The following EYS variants were observed in gnomAD, a reference collection of about 807,000 sequenced individuals.
EYS encodes EGF-like photoreceptor maintenance factor, also known as protein eyes shut homolog.
A neutral mutation model predicts 282.1 loss-of-function variants in EYS; 250 were observed. The observed-to-expected ratio is 0.89, with a 90% CI of 0.80 to 0.98. EYS has a LOEUF of 0.98. EYS is among the 50% of genes least tolerant of loss of function. The pLI, the probability that EYS is intolerant of heterozygous loss-of-function variation, is 0.00. For synonymous variants in EYS, 1,355 were observed against 1,282.9 expected (o/e 1.06, Z -1.20); for missense variants, 4,016 against 3,709.0 (o/e 1.08, Z -2.15).
intron 34 of EYS, among the ~76,000 whole-genome samples, chr6:63,985,339 T>C (rs1767306099): frequency 6.6e-6 from 1 of 151,624 alleles, no homozygotes; most frequent in African/African-American, 2.4e-5. Context: ...CTTTCTCAAG[T>C]CATCATATGG....
At chr6:65,283,887 G>T (rs983112792) in intron 12 of EYS, among the ~76,000 whole-genome samples, 1 of 152,074 alleles carries the variant, frequency 6.6e-6, no homozygotes, top group African/African-American at 2.4e-5. Context: ...TGTATGAGCA[G>T]AAATCTGAAC....
At chr6:65,512,627 T>G (rs1478059241) in intron 2 of EYS, among the ~76,000 whole-genome samples, 1 of 151,844 alleles carries the variant, frequency 6.6e-6, no homozygotes, top group East Asian at 1.9e-4. Context: ...AACTCAGGAT[T>G]AAGAAACTCA....
At chr6:64,863,536 T>C (rs71570698) in intron 19 of EYS, among the ~76,000 whole-genome samples, 4,069 of 152,298 alleles carry the variant, frequency 0.027, 75 homozygotes, top group Middle Eastern at 0.048. Context: ...CATATTTTAT[T>C]CCTTTAAAAA....
chr6:64,732,951 C>T (rs1452149733), intron 22 of EYS, among the ~76,000 whole-genome samples: 4 of 152,120 alleles, frequency 2.6e-5, no homozygotes, highest in Non-Finnish European at 2.9e-5. Context: ...TAAAGCTGAC[C>T]ATCTATCAGT....
Position 64,307,042 on chromosome 6 carries a change from A to C in EYS, c.6119T>G (p.Val2040Gly). Residue 2040 changes from valine to glycine, a missense_variant, in exon 30 of 43, where the codon GTT (valine) becomes GGT (glycine). Physicochemically the swap from Val to Gly is moderately radical, Grantham distance 109. Coordinates refer to ENST00000503581, the MANE Select transcript of EYS (RefSeq NM_001142800.2). Reference protein sequence around the residue: ...PVKNFTGCIEVIEINNWRSFI... With the variant: ...PVKNFTGCIEGIEINNWRSFI... The stretch of plus-strand genomic sequence containing the variant: ...AGATCTCCAGTTATTTATTTCTATA[A>C]CTTCTATGCAGCCAGTAAAATTCTT... 1 of 1,542,314 alleles carries C rather than the reference A, an allele frequency of 6.5e-7. No homozygotes were observed. Among genetic ancestry groups the C allele is most frequent in the Non-Finnish European group, 8.8e-7 (1 of 1,139,476 alleles).
At chr6:65,319,222 A>AAAAAAAAAAT (rs1562094128) in intron 11 of EYS, among the ~76,000 whole-genome samples, 1 of 147,574 alleles carries the variant, frequency 6.8e-6, no homozygotes, top group Non-Finnish European at 1.5e-5. Context: ...AAAAAAAAAA[A>AAAAAAAAAAT]AAAAACAATT....
chr6:64,654,584 T>C (rs1014796617), intron 22 of EYS, among the ~76,000 whole-genome samples: 5 of 152,176 alleles, frequency 3.3e-5, no homozygotes, highest in Non-Finnish European at 5.9e-5. Context: ...TTGCACTGTA[T>C]AGAATGATTA....
At chr6:63,998,832 C>G (rs1279782338) in intron 34 of EYS, among the ~76,000 whole-genome samples, 1 of 149,420 alleles carries the variant, frequency 6.7e-6, no homozygotes, top group Admixed American at 6.7e-5. Context: ...TGTATTAAAT[C>G]CAAAGTGTGA....
intron 11 of EYS, 48 bp downstream of exon 11, chr6:65,334,932 A>T (rs201779224): frequency 1.3e-6 from 2 of 1,541,350 alleles, no homozygotes; most frequent in African/African-American, 2.7e-5. Context: ...CAATTTAATT[A>T]TAACTTTTTG....
chr6:63,745,004 T>C (rs1769178034), intron 41 of EYS: 1 of 428,412 alleles, frequency 2.3e-6, no homozygotes, highest in Admixed American at 2.8e-5. Flanking sequence ...AAACATCTTT[T>C]CCAATAAATT....
chr6:65,502,623 T>TC (rs1766496654), intron 2 of EYS, among the ~76,000 whole-genome samples: 3 of 151,674 alleles, frequency 2.0e-5, no homozygotes, highest in Admixed American at 2.0e-4. Flanking sequence ...CCTTTTCTTT[T>TC]CTAGGATCCT....
At chr6:65,530,947 A>T (rs142710939) in intron 2 of EYS, among the ~76,000 whole-genome samples, 3 of 152,276 alleles carry the variant, frequency 2.0e-5, no homozygotes, top group Non-Finnish European at 4.4e-5. Flanking sequence ...TTGCCTACAA[A>T]ATTTTAATAT....
intron 31 of EYS, among the ~76,000 whole-genome samples, chr6:64,105,194 A>G (rs911670163): frequency 1.3e-5 from 2 of 152,104 alleles, no homozygotes; most frequent in African/African-American, 4.8e-5. Flanking sequence ...TACCCACTCT[A>G]TGGAAGAATT....
chr6:64,872,468 G>T (rs535992792), intron 19 of EYS, among the ~76,000 whole-genome samples: 1 of 151,938 alleles, frequency 6.6e-6, no homozygotes, highest in Non-Finnish European at 1.5e-5. Flanking sequence ...GCTGGCTGGC[G>T]ATTTCTTGCT....
chr6:64,918,694 GAGTGAGGACTC>G, intron 15 of EYS, among the ~76,000 whole-genome samples: 1 of 151,790 alleles, frequency 6.6e-6, no homozygotes, highest in African/African-American at 2.4e-5. Context: ...GCAGAGTGAG[GAGTGAGGACTC>G]AGTGGGCTTC....
Position 65,480,742 on chromosome 6 carries a change from T to G in EYS, c.862+9852A>C, listed in dbSNP as rs146828242. 8.0e-3 allele frequency among the ~76,000 whole-genome samples: 1,213 copies of G among 152,178 alleles called. 16 individuals are homozygous for G. The highest frequency in any genetic ancestry group is 9.0e-3 in the Non-Finnish European group (614 of 68,016). On this transcript the variant is annotated intron_variant, in intron 5 of 42. Coordinates refer to ENST00000503581, the MANE Select transcript of EYS (RefSeq NM_001142800.2). ...TCAAGAGATGCCTGGATAAAGAAAATGTGGTCTATATACACAATGGTATAC... is the reference window on the plus strand; with the variant it reads ...TCAAGAGATGCCTGGATAAAGAAAAGGTGGTCTATATACACAATGGTATAC...
chr6:64,344,051 G>C (rs9444748), intron 29 of EYS, among the ~76,000 whole-genome samples: 103,440 of 151,116 alleles, frequency 0.68, 35,395 homozygotes, highest in South Asian at 0.71. Context: ...CTCTGAAATT[G>C]AGGCAATAAT....
At chr6:64,182,167 C>G (rs1427768993) in intron 31 of EYS, among the ~76,000 whole-genome samples, 1 of 152,096 alleles carries the variant, frequency 6.6e-6, no homozygotes, top group Non-Finnish European at 1.5e-5. Context: ...TTTAGACATA[C>G]AGCAATTTCC....
chr6:65,378,697 T>C (rs1037598087), intron 8 of EYS, among the ~76,000 whole-genome samples: 5 of 152,094 alleles, frequency 3.3e-5, no homozygotes, highest in African/African-American at 1.2e-4. Context: ...TGGAATACTA[T>C]GCATTCATAA....
Sources: allele counts gnomAD v4.1 joint callset (sites outside exome capture counted in the v4.1 genomes callset), GRCh38; gene constraint gnomAD v4.1.1; transcripts MANE v1.5; gene names NCBI Gene and HGNC (gene_info 2026-07-23, HGNC 2026-07-21).